The following RRP15 variants were observed in gnomAD, a reference collection of about 807,000 sequenced individuals.
RRP15 encodes the protein ribosomal RNA processing 15 homolog, also known as RRP15-like protein.
RRP15 carries 18 observed loss-of-function variants against 27.1 expected under a neutral mutation model. The ratio of observed to expected loss-of-function variants is 0.66; its 90% CI spans 0.46 to 0.98. The LOEUF is 0.98. Among genes scored for constraint, RRP15 ranks in the 50% least tolerant of loss-of-function variants. The probability of loss-of-function intolerance (pLI) is 0.00; values close to 1 mark genes in which losing one functional copy is unlikely to be tolerated. For missense variants in RRP15, 359 were observed against 337.8 expected (o/e 1.06, Z -0.49); for synonymous variants, 107 against 109.4 (o/e 0.98, Z 0.14).
intron 4 of RRP15, 65 bp from the exon 5 acceptor site, chr1:218,330,883 G>C (rs990941857): frequency 1.4e-5 from 20 of 1,457,462 alleles, no homozygotes; most frequent in Non-Finnish European, 1.3e-5. Context: ...TTTGTAGCTT[G>C]TACCTTTTTG....
intron 1 of RRP15, among the ~76,000 whole-genome samples, chr1:218,295,943 T>G (rs1462299198): frequency 6.6e-6 from 1 of 152,184 alleles, no homozygotes; most frequent in East Asian, 1.9e-4. Context: ...AAGCATCAAT[T>G]TTGAATATTC....
In RRP15 at chr1:218,295,550, G is replaced by A. The variant is rs548480000; in HGVS notation, c.140-6744G>A. The stretch of plus-strand genomic sequence containing the variant: ...AAAGACTTGATAACAATTCAGGTTA[G>A]AAGGTCCTAGGAGATATCCCTTCAT... On this transcript the variant is annotated intron_variant, in intron 1 of 4. Coordinates refer to ENST00000366932, the MANE Select transcript of RRP15 (RefSeq NM_016052.4). 5.3e-5 allele frequency among the ~76,000 whole-genome samples: 8 copies of A among 152,318 alleles called. No individual in the cohort carries two copies. In the Middle Eastern group the frequency reaches 0.017, roughly 324 times the overall value.
chr1:218,332,079 G>A lies in RRP15; in HGVS notation c.*988G>A, dbSNP rs1490904625. The A allele has an allele frequency of 6.6e-6, 1 of 152,080 alleles. No individual in the cohort carries two copies. The highest frequency in any genetic ancestry group is 1.5e-5 in the Non-Finnish European group (1 of 68,018). 9.4% of individuals were successfully genotyped at this position (152,080 alleles called of 1,614,324 possible). A position where few individuals can be genotyped will look rare whatever the true frequency, so the allele number is the denominator to read the frequency against. On this transcript the variant is annotated 3_prime_UTR_variant, in exon 5 of 5. Coordinates refer to ENST00000366932, the MANE Select transcript of RRP15 (RefSeq NM_016052.4). Reference sequence around the variant, plus strand: ...CCTATTTTTGCATGAGAGATTTACAGAGGTGGAAATTCTCATGCTTAACTT... The same window carrying A: ...CCTATTTTTGCATGAGAGATTTACAAAGGTGGAAATTCTCATGCTTAACTT...
intron 1 of RRP15, among the ~76,000 whole-genome samples, chr1:218,287,326 C>G (rs1248769334): frequency 6.6e-6 from 1 of 151,954 alleles, no homozygotes; most frequent in African/African-American, 2.4e-5. Flanking sequence ...CAAGTTGGAA[C>G]TGTTCTGACT....
At chr1:218,323,587 G>T (rs193041964) in intron 4 of RRP15, among the ~76,000 whole-genome samples, 18 of 152,184 alleles carry the variant, frequency 1.2e-4, no homozygotes, top group African/African-American at 4.3e-4. Context: ...GCCTGAAGGT[G>T]GGGCCTCACC....
chr1:218,309,682 CAAAAAAAAAAAA>C (rs751452477), intron 4 of RRP15, among the ~76,000 whole-genome samples: 5 of 22,506 alleles, frequency 2.2e-4, no homozygotes, highest in South Asian at 2.0e-3. Context: ...GACTCCATCT[CAAAAAAAAAAAA>C]AAAAAAAAAA....
chr1:218,332,531 T>G lies in RRP15; in HGVS notation c.*1440T>G, dbSNP rs554735877. ...GCACATACTTGCATCTGTTATGTATTGAAGGATAATCCCCCCCAAAAAAAC... is the reference window on the plus strand; with the variant it reads ...GCACATACTTGCATCTGTTATGTATGGAAGGATAATCCCCCCCAAAAAAAC... On this transcript the variant is annotated 3_prime_UTR_variant, in exon 5 of 5. Transcript: ENST00000366932. 6.6e-6 allele frequency: 1 copy of G among 152,156 alleles called. No homozygotes were observed. Among genetic ancestry groups the G allele is most frequent in the Non-Finnish European group, 1.5e-5 (1 of 68,028 alleles). 9.4% of individuals were successfully genotyped at this position (152,156 alleles called of 1,614,324 possible).
Position 218,337,401 on chromosome 1 carries a change from A to G in RRP15, c.*6310A>G, listed in dbSNP as rs1026451322. The G allele has an allele frequency of 2.6e-5, 4 of 152,236 alleles. No homozygotes were observed. The highest frequency in any genetic ancestry group is 9.6e-5 in the African/African-American group (4 of 41,464). 9.4% of individuals were successfully genotyped at this position (152,236 alleles called of 1,614,324 possible). On this transcript the variant is annotated 3_prime_UTR_variant, in exon 5 of 5. Transcript: ENST00000366932. ...AAATGCTGTGTGAACAGTATTATATAGAATTGTTTTTAATAGCAAGAAATT... is the reference window on the plus strand; with the variant it reads ...AAATGCTGTGTGAACAGTATTATATGGAATTGTTTTTAATAGCAAGAAATT...
chr1:218,308,573 A>G (rs1338927501), intron 4 of RRP15, among the ~76,000 whole-genome samples: 3 of 152,272 alleles, frequency 2.0e-5, no homozygotes, highest in African/African-American at 7.2e-5. Context: ...TGTTTGGGAA[A>G]ATAATTGAAA....
intron 4 of RRP15, among the ~76,000 whole-genome samples, chr1:218,330,399 C>T (rs1304984812): frequency 2.6e-5 from 4 of 152,180 alleles, no homozygotes; most frequent in Non-Finnish European, 4.4e-5. Flanking sequence ...GCAGTGAGCT[C>T]ATAACCTAAA....
rs1655952567 is a variant in RRP15, at chr1:218,309,297, A to G, written c.705+1665A>G. Among the ~76,000 whole-genome samples, 7 of 152,344 alleles carry G rather than the reference A, an allele frequency of 4.6e-5. No homozygotes were observed. In the Middle Eastern group the frequency reaches 0.017, roughly 370 times the overall value. On this transcript the variant is annotated intron_variant, in intron 4 of 4. Transcript: ENST00000366932. ...TCATGTTGATTGCATATTTATGGAA[A>G]AACAGACTCCTTTTTAAAAATTTTG...
chr1:218,292,383 G>A (rs1327633927), intron 1 of RRP15, among the ~76,000 whole-genome samples: 1 of 152,088 alleles, frequency 6.6e-6, no homozygotes, highest in Non-Finnish European at 1.5e-5. Context: ...TTATGCTTGT[G>A]GGCCATTTTA....
intron 4 of RRP15, among the ~76,000 whole-genome samples, chr1:218,322,509 G>C (rs1656202048): frequency 6.7e-6 from 1 of 148,666 alleles, no homozygotes; most frequent in African/African-American, 2.5e-5. Flanking sequence ...TGGTTTAGGT[G>C]TACTTTTTTT....
At chr1:218,312,185 A>G (rs1358268694) in intron 4 of RRP15, among the ~76,000 whole-genome samples, 1 of 152,192 alleles carries the variant, frequency 6.6e-6, no homozygotes, top group Admixed American at 6.5e-5. Flanking sequence ...GCAATTTGTT[A>G]TGGCAGCCAC....
chr1:218,322,831 G>C (rs988390816), intron 4 of RRP15, among the ~76,000 whole-genome samples: 2 of 152,164 alleles, frequency 1.3e-5, no homozygotes, highest in African/African-American at 4.8e-5. Flanking sequence ...TGCCCACTCA[G>C]CCTGGCAGTC....
chr1:218,285,350 G>A lies in RRP15; in HGVS notation c.34G>A (p.Glu12Lys), dbSNP rs1279252961. The A allele has an allele frequency of 1.2e-6, 2 of 1,614,062 alleles. No homozygotes were observed. The highest frequency in any genetic ancestry group is 1.3e-5 in the African/African-American group (1 of 74,916). Reference sequence around the variant, plus strand: ...CGCCGCTCCGGACTCACGTGTGAGTGAGGAAGAAAACCTGAAAAAGACCCC... The same window carrying A: ...CGCCGCTCCGGACTCACGTGTGAGTAAGGAAGAAAACCTGAAAAAGACCCC... ...AAAAPDSRVS[E>K]EENLKKTPKK... is the part of the protein sequence containing the mutation. The change falls in exon 1 of 5, where the codon GAG becomes AAG. Residue 12 changes from glutamate to lysine, a missense_variant. Glu to Lys is a moderately conservative substitution (Grantham distance 56). Coordinates refer to ENST00000366932, the MANE Select transcript of RRP15 (RefSeq NM_016052.4).
chr1:218,308,284 C>G (rs1485257520), intron 4 of RRP15, among the ~76,000 whole-genome samples: 3 of 151,560 alleles, frequency 2.0e-5, no homozygotes, highest in African/African-American at 7.3e-5. Context: ...GTTGACCAGG[C>G]TGGTCTTGAA....
chr1:218,317,257 A>G (rs377719198), intron 4 of RRP15, among the ~76,000 whole-genome samples: 8 of 152,238 alleles, frequency 5.3e-5, no homozygotes, highest in African/African-American at 1.9e-4. Context: ...GGCACTTACT[A>G]GCGTATGCTT....
Position 218,305,046 on chromosome 1 carries a change from T to A in RRP15, c.424T>A (p.Trp142Arg). ...AACGCAGCGTGATAAGAGGCTGGAG[T>A]GGGAAATGATGTGCAGAGTAAAGCC... Reference protein sequence around the residue: ...KIKQRDKRLEWEMMCRVKPDV... With the variant: ...KIKQRDKRLEREMMCRVKPDV... The change falls in exon 3 of 5, where the codon TGG becomes AGG. Residue 142 changes from tryptophan (W) to arginine (R), a missense_variant. By Grantham distance (101) the Trp-to-Arg change is moderately radical (BLOSUM62 -3). Transcript: ENST00000366932. 6.2e-7 allele frequency: 1 copy of A among 1,613,310 alleles called. No individual in the cohort carries two copies. The highest frequency in any genetic ancestry group is 8.5e-7 in the Non-Finnish European group (1 of 1,179,628).
Sources: allele counts gnomAD v4.1 joint callset (sites outside exome capture counted in the v4.1 genomes callset), GRCh38; gene constraint gnomAD v4.1.1; transcripts MANE v1.5; gene names NCBI Gene and HGNC (gene_info 2026-07-23, HGNC 2026-07-21).